PGLYRP3: variants seen among roughly 807,000 people sequenced by gnomAD.
PGLYRP3 encodes the protein peptidoglycan recognition protein I alpha.
PGLYRP3 carries 39 observed loss-of-function variants against 36.0 expected under a neutral mutation model. The ratio of observed to expected loss-of-function variants is 1.08; its 90% CI spans 0.84 to 1.41. PGLYRP3 has a LOEUF of 1.41. PGLYRP3 is among the 40% of genes most tolerant of loss of function. The probability of loss-of-function intolerance (pLI) is 0.00; values close to 1 mark genes in which losing one functional copy is unlikely to be tolerated. For synonymous variants in PGLYRP3, 204 were observed against 172.8 expected (o/e 1.18, Z -1.42); for missense variants, 407 against 427.9 (o/e 0.95, Z 0.43).
intron 6 of PGLYRP3, among the ~76,000 whole-genome samples, chr1:153,302,115 C>T (rs1257635635): frequency 1.3e-5 from 2 of 152,224 alleles, no homozygotes; most frequent in Admixed American, 1.3e-4. Flanking sequence ...TAAAAAGGTA[C>T]AACCCTTCAT....
intron 7 of PGLYRP3, 147 bp downstream of exon 7, chr1:153,298,966 C>T (rs921108000): frequency 1.5e-5 from 10 of 658,966 alleles, no homozygotes; most frequent in Non-Finnish European, 2.4e-5. Flanking sequence ...ATCCTGGTGA[C>T]ATCCTGTATT....
intron 4 of PGLYRP3, 111 bp from the exon 5 acceptor site, chr1:153,304,120 GA>G: frequency 9.5e-7 from 1 of 1,050,212 alleles, no homozygotes; most frequent in Non-Finnish European, 1.4e-6. Context: ...TGGATTGGAA[GA>G]GAGGAAACTG....
At chr1:153,298,354 T>G (rs1388567492) in intron 7 of PGLYRP3, among the ~76,000 whole-genome samples, 1 of 152,116 alleles carries the variant, frequency 6.6e-6, no homozygotes, top group East Asian at 1.9e-4. Context: ...TTCCAGAAGG[T>G]TAAAAACTGC....
At chr1:153,307,790 G>A (rs922127731) in intron 2 of PGLYRP3, among the ~76,000 whole-genome samples, 2 of 152,060 alleles carry the variant, frequency 1.3e-5, no homozygotes, top group Non-Finnish European at 2.9e-5. Context: ...ATAAACACGG[G>A]GTCTGCACCT....
Position 153,298,038 on chromosome 1 carries a change from C to T in PGLYRP3, c.944G>A (p.Gly315Asp), listed in dbSNP as rs1171027823. The T allele has an allele frequency of 1.7e-5, 27 of 1,613,918 alleles. No individual in the cohort carries two copies. Among genetic ancestry groups the T allele is most frequent in the Non-Finnish European group, 2.2e-5 (26 of 1,180,016 alleles). Residue 315 changes from glycine to aspartate, a missense_variant, in exon 8 of 8, where the codon GGC becomes GAC. By Grantham distance (94) the Gly-to-Asp change is moderately conservative. Coordinates refer to ENST00000683862, the MANE Select transcript of PGLYRP3 (RefSeq NM_052891.3). ...GYLTPNYLLMGHSDVVNILSP... is the reference protein window; with the variant it reads ...GYLTPNYLLMDHSDVVNILSP... ...CAGGATGTTGACCACGTCACTGTGG[C>T]CCATCAGCAGGTAGTTTGGAGTCAG...
At position 153,302,558 on chromosome 1, in the gene PGLYRP3, G is replaced by C. The variant is rs143236978; in HGVS notation, c.579C>G (p.His193Gln). The stretch of plus-strand genomic sequence containing the variant: ...TGGCTGGGAGGTTCATTTTAGGGCA[G>C]TGTGTCTCTCTGGCTTCCCAAGCAG... ...KRSAWEARET[H>Q]CPKMNLPAKY... Residue 193 changes from histidine (H) to glutamine (Q), a missense_variant, in exon 6 of 8, where the codon CAC (histidine) becomes CAG (glutamine). His to Gln is a conservative substitution (Grantham distance 24, BLOSUM62 0). Transcript: ENST00000683862. The C allele has an allele frequency of 1.9e-6, 3 of 1,614,104 alleles. No homozygotes were observed. Among genetic ancestry groups the C allele is most frequent in the Non-Finnish European group, 2.5e-6 (3 of 1,180,042 alleles).
chr1:153,303,326 G>T (rs905589315), intron 5 of PGLYRP3, among the ~76,000 whole-genome samples: 5 of 152,140 alleles, frequency 3.3e-5, no homozygotes, highest in South Asian at 2.1e-4. Flanking sequence ...GGCCATGGCT[G>T]GTTTTTGCAT....
chr1:153,301,093 T>A (rs1211586056), intron 6 of PGLYRP3, among the ~76,000 whole-genome samples: 5 of 152,108 alleles, frequency 3.3e-5, no homozygotes, highest in African/African-American at 1.2e-4. Context: ...CTAATTATTT[T>A]ATTTTTTTGA....
chr1:153,297,849 G>A lies in PGLYRP3; in HGVS notation c.*107C>T, dbSNP rs1659477132. ...TGACCATTCAAACCTGAGAAAGGATGGGCTGGCAGGGGAGGGGGACACAAG... is the reference window on the plus strand; with the variant it reads ...TGACCATTCAAACCTGAGAAAGGATAGGCTGGCAGGGGAGGGGGACACAAG... On this transcript the variant is annotated 3_prime_UTR_variant, in exon 8 of 8. Coordinates refer to ENST00000683862, the MANE Select transcript of PGLYRP3 (RefSeq NM_052891.3). 2 of 1,266,942 alleles carry A rather than the reference G, an allele frequency of 1.6e-6. No individual in the cohort carries two copies. Among genetic ancestry groups the A allele is most frequent in the Non-Finnish European group, 2.2e-6 (2 of 900,404 alleles). 78.5% of individuals were successfully genotyped at this position (1,266,942 alleles called of 1,614,324 possible).
chr1:153,303,763 A>G (rs1659660616), intron 5 of PGLYRP3, 94 bp downstream of exon 5: 6 of 1,405,476 alleles, frequency 4.3e-6, no homozygotes, highest in Middle Eastern at 5.4e-4. Flanking sequence ...CCAGAATCCC[A>G]TGGGGTCTAA....
At position 153,298,037 on chromosome 1, in the gene PGLYRP3, G is replaced by A; in HGVS notation, c.945C>T (p.Gly315=). 1.2e-6 allele frequency: 2 copies of A among 1,614,032 alleles called. No homozygotes were observed. The highest frequency in any genetic ancestry group is 1.7e-6 in the Non-Finnish European group (2 of 1,180,000). ...GYLTPNYLLM[G]HSDVVNILSP... is the part of the protein sequence containing the mutation. ...ACAGGATGTTGACCACGTCACTGTG[G>A]CCCATCAGCAGGTAGTTTGGAGTCA... The change falls in exon 8 of 8, where the codon GGC becomes GGT. Residue 315 remains glycine, a synonymous_variant. Transcript: ENST00000683862.
intron 4 of PGLYRP3, among the ~76,000 whole-genome samples, chr1:153,304,738 A>G (rs1184308950): frequency 6.6e-6 from 1 of 152,230 alleles, no homozygotes; most frequent in Non-Finnish European, 1.5e-5. Context: ...CTTCAGCAAT[A>G]TCACAGGAGT....
intron 2 of PGLYRP3, among the ~76,000 whole-genome samples, chr1:153,307,720 C>T (rs1327236930): frequency 6.6e-6 from 1 of 152,152 alleles, no homozygotes; most frequent in African/African-American, 2.4e-5. Flanking sequence ...AACCATGACT[C>T]TCTGAAGGAA....
intron 3 of PGLYRP3, 135 bp downstream of exon 3, chr1:153,306,931 T>C (rs1392677149): frequency 1.1e-6 from 1 of 874,902 alleles, no homozygotes; most frequent in Non-Finnish European, 1.8e-6. Context: ...TTTGTTTGAT[T>C]CCCCTTTTAC....
intron 3 of PGLYRP3, 29 bp from the exon 4 acceptor site, chr1:153,305,094 G>A (rs921007449): frequency 1.3e-6 from 2 of 1,571,094 alleles, no homozygotes; most frequent in South Asian, 1.1e-5. Context: ...TGATTTTACT[G>A]CAAATCTCCA....
At chr1:153,308,770 C>T (rs923109652) in intron 2 of PGLYRP3, among the ~76,000 whole-genome samples, 5 of 152,198 alleles carry the variant, frequency 3.3e-5, no homozygotes, top group Admixed American at 6.5e-5. Flanking sequence ...AGAGGAGAAC[C>T]ACAGAAGTCT....
At position 153,298,210 on chromosome 1, in the gene PGLYRP3, T is replaced by C; in HGVS notation, c.848-76A>G. 5 of 1,500,568 alleles carry C rather than the reference T, an allele frequency of 3.3e-6. No individual in the cohort carries two copies. The South Asian group carries it at 5.0e-5, about 15-fold the overall frequency. The allele number at this position is 1,500,568 out of a possible 1,614,324, so 93.0% of individuals were successfully genotyped here. On this transcript the variant is annotated intron_variant, in intron 7 of 7. Transcript: ENST00000683862. ...TTAGGGAAGGGACAAGCACCTAGATTCCAGTTTCTTTCTTCCTCCACCACG... is the reference window on the plus strand; with the variant it reads ...TTAGGGAAGGGACAAGCACCTAGATCCCAGTTTCTTTCTTCCTCCACCACG...
At chr1:153,309,371 G>A (rs1358224360) in intron 2 of PGLYRP3, among the ~76,000 whole-genome samples, 1 of 152,214 alleles carries the variant, frequency 6.6e-6, no homozygotes, top group African/African-American at 2.4e-5. Context: ...CATAACAGAG[G>A]TTTTAAGCGT....
Position 153,299,051 on chromosome 1 carries a change from C to G in PGLYRP3, c.847+62G>C, listed in dbSNP as rs904092734. The G allele has an allele frequency of 1.1e-5, 15 of 1,404,106 alleles. No individual in the cohort carries two copies. The African/African-American group carries it at 2.0e-4, about 19-fold the overall frequency. The allele number at this position is 1,404,106 out of a possible 1,614,324, so 87.0% of individuals were successfully genotyped here. Reference sequence around the variant, plus strand: ...CAGGGCTGCCTTTCCCGCCATGCTTCCCAGACATGCTGCATGGTCCTTCAA... The same window carrying G: ...CAGGGCTGCCTTTCCCGCCATGCTTGCCAGACATGCTGCATGGTCCTTCAA... On this transcript the variant is annotated intron_variant, in intron 7 of 7. Coordinates refer to ENST00000683862, the MANE Select transcript of PGLYRP3 (RefSeq NM_052891.3).
Sources: gnomAD v4.1 joint callset for allele counts (sites outside exome capture counted in the v4.1 genomes callset) on GRCh38, gnomAD v4.1.1 for gene constraint, MANE v1.5 for transcripts, NCBI Gene and HGNC (gene_info 2026-07-23, HGNC 2026-07-21) for gene names.